Variants in TIAM1 observed in about 807,000 individuals in gnomAD.
The protein encoded by TIAM1 is rho guanine nucleotide exchange factor TIAM1.
TIAM1 carries 65 observed loss-of-function variants against 163.5 expected under a neutral mutation model. The ratio of observed to expected loss-of-function variants is 0.40; its 90% CI spans 0.33 to 0.49. The LOEUF (loss-of-function observed/expected upper bound fraction) is 0.49. Among genes scored for constraint, TIAM1 ranks in the 20% least tolerant of loss-of-function variants. TIAM1 has a pLI of 0.77. For synonymous variants in TIAM1, 833 were observed against 810.1 expected (o/e 1.03, Z -0.48); for missense variants, 1,789 against 2,044.7 (o/e 0.87, Z 2.41).
At chr21:31,392,297 G>A (rs1209961427) in intron 2 of TIAM1, among the ~76,000 whole-genome samples, 6 of 152,174 alleles carry the variant, frequency 3.9e-5, no homozygotes, top group South Asian at 4.1e-4. Flanking sequence ...GAGGCTGGGC[G>A]CGGTGGCTCA....
Position 31,537,179 on chromosome 21 carries a change from T to C in TIAM1, c.-422+21748A>G, listed in dbSNP as rs556536848. On this transcript the variant is annotated intron_variant, in intron 1 of 28. Coordinates refer to the TIAM1 transcript ENST00000286827. ...TATAATCCAGTAGGACCCCTTCTTATCTGATGACAACTGCAAAGACCCTAT... is the reference window on the plus strand; with the variant it reads ...TATAATCCAGTAGGACCCCTTCTTACCTGATGACAACTGCAAAGACCCTAT... Among the ~76,000 whole-genome samples, 4 of 152,326 alleles carry C rather than the reference T, an allele frequency of 2.6e-5. No homozygotes were observed. The East Asian group carries it at 5.8e-4, about 22-fold the overall frequency.
intron 1 of TIAM1, among the ~76,000 whole-genome samples, chr21:31,546,344 G>A (rs2048488641): frequency 6.6e-6 from 1 of 152,074 alleles, no homozygotes; most frequent in Non-Finnish European, 1.5e-5. Flanking sequence ...GAGGTCAGGA[G>A]TTCGAGACCA....
chr21:31,184,663 CGTT>C lies in TIAM1; in HGVS notation c.2663-2021_2663-2019del, dbSNP rs2085196789. 2.0e-5 allele frequency among the ~76,000 whole-genome samples: 3 copies of C among 152,094 alleles called. No individual in the cohort carries two copies. In the South Asian group the frequency reaches 6.2e-4, roughly 32 times the overall value. On this transcript the variant is annotated intron_variant, in intron 14 of 27. Coordinates refer to ENST00000541036, the MANE Select transcript of TIAM1 (RefSeq NM_001353694.2). ...CCCGTGCCACGCAAACCGGCACACT[CGTT>C]GTGATGAAAGAGATAAAAATCAGTC...
chr21:31,498,440 C>T (rs959182617), intron 1 of TIAM1, among the ~76,000 whole-genome samples: 3 of 142,252 alleles, frequency 2.1e-5, no homozygotes, highest in African/African-American at 5.3e-5. Context: ...CAAGGGACCC[C>T]GCAGCACCCC....
chr21:31,301,208 C>G (rs2074485200), intron 2 of TIAM1, among the ~76,000 whole-genome samples: 1 of 152,184 alleles, frequency 6.6e-6, no homozygotes, highest in Non-Finnish European at 1.5e-5. Flanking sequence ...CACGAGTTCT[C>G]CTGGAAGGAT....
intron 2 of TIAM1, among the ~76,000 whole-genome samples, chr21:31,290,420 G>C (rs2073973761): frequency 6.6e-6 from 1 of 151,884 alleles, no homozygotes; most frequent in Non-Finnish European, 1.5e-5. Context: ...GATCACTTGA[G>C]GTCCGGAGTT....
chr21:31,309,093 C>T (rs532879602), intron 2 of TIAM1, among the ~76,000 whole-genome samples: 11 of 152,264 alleles, frequency 7.2e-5, no homozygotes, highest in South Asian at 2.1e-4. Context: ...AAAAAACTGA[C>T]TAAAGATCAA....
chr21:31,334,580 G>A (rs886741578), intron 2 of TIAM1, among the ~76,000 whole-genome samples: 1 of 152,080 alleles, frequency 6.6e-6, no homozygotes, highest in African/African-American at 2.4e-5. Context: ...CCTCACCTGC[G>A]CCTCCAGTAA....
intron 15 of TIAM1, among the ~76,000 whole-genome samples, chr21:31,174,880 T>C (rs1251846398): frequency 6.6e-6 from 1 of 152,118 alleles, no homozygotes; most frequent in Non-Finnish European, 1.5e-5. Context: ...AACTCCTGAC[T>C]TCTGGTGATC....
At position 31,332,894 on chromosome 21, in the gene TIAM1, C is replaced by T. The variant is rs180977864; in HGVS notation, c.-189+6349G>A. On this transcript the variant is annotated intron_variant, in intron 2 of 27. Coordinates refer to ENST00000541036, the MANE Select transcript of TIAM1 (RefSeq NM_001353694.2). Reference sequence around the variant, plus strand: ...CCTCTAAATATTGAGAAAGGTGAAGCAGAAACACTAAGAGTCCACATTGGT... The same window carrying T: ...CCTCTAAATATTGAGAAAGGTGAAGTAGAAACACTAAGAGTCCACATTGGT... Among the ~76,000 whole-genome samples the T allele has an allele frequency of 1.9e-3, 293 of 151,934 alleles. 6 individuals carry two copies. Among genetic ancestry groups the T allele is most frequent in the South Asian group, 1.7e-3 (8 of 4,810 alleles).
chr21:31,202,391 A>C (rs1000123433), intron 12 of TIAM1, among the ~76,000 whole-genome samples: 14 of 151,550 alleles, frequency 9.2e-5, no homozygotes, highest in Admixed American at 2.0e-4. Flanking sequence ...GTCTCTACAA[A>C]AAAAAAAAAA....
At chr21:31,375,053 A>G (rs2076660608) in intron 2 of TIAM1, among the ~76,000 whole-genome samples, 1 of 152,172 alleles carries the variant, frequency 6.6e-6, no homozygotes, top group African/African-American at 2.4e-5. Flanking sequence ...TTAGTTTTTC[A>G]CCTTGTACTA....
At chr21:31,190,833 T>C (rs1362975076) in intron 13 of TIAM1, among the ~76,000 whole-genome samples, 2 of 152,218 alleles carry the variant, frequency 1.3e-5, no homozygotes, top group Non-Finnish European at 2.9e-5. Flanking sequence ...TATTAAATTA[T>C]ATTCTCCTCC....
chr21:31,227,442 TG>T (rs2146641490), intron 6 of TIAM1, among the ~76,000 whole-genome samples: 1 of 152,312 alleles, frequency 6.6e-6, no homozygotes, highest in Non-Finnish European at 1.5e-5. Context: ...CACCTCCCAC[TG>T]GGCAAACCTA....
intron 1 of TIAM1, among the ~76,000 whole-genome samples, chr21:31,554,657 T>G (rs567913564): frequency 6.6e-6 from 1 of 152,294 alleles, no homozygotes; most frequent in East Asian, 1.9e-4. Flanking sequence ...TTGTTTAACA[T>G]CCTCTGAAAG....
At chr21:31,467,423 C>T (rs1466739224) in intron 1 of TIAM1, among the ~76,000 whole-genome samples, 4 of 152,084 alleles carry the variant, frequency 2.6e-5, no homozygotes, top group African/African-American at 7.2e-5. Context: ...ATGAGGAGTT[C>T]GAGACCAGCC....
At position 31,182,607 on chromosome 21, in the gene TIAM1, G is replaced by A. The variant is rs1242576273; in HGVS notation, c.2701C>T (p.Arg901Cys). ...AGDEILEINNRAADALNSSML... is the reference protein window; with the variant it reads ...AGDEILEINNCAADALNSSML... ...GAAGAGTTCAGGGCGTCAGCAGCAC[G>A]ATTATTGATCTCAAGAATCTCATCT... The change falls in exon 15 of 28, where the codon CGT becomes TGT. Residue 901 changes from arginine (R) to cysteine (C), a missense_variant. This residue lies in a region of TIAM1 where 303 missense variants were observed against 321.3 expected (regional missense o/e 0.94). Transcript: ENST00000541036. 8.1e-6 allele frequency: 13 copies of A among 1,613,020 alleles called. No individual in the cohort carries two copies. Among genetic ancestry groups the A allele is most frequent in the African/African-American group, 6.7e-5 (5 of 75,004 alleles).
intron 2 of TIAM1, among the ~76,000 whole-genome samples, chr21:31,337,776 C>G (rs1382002192): frequency 6.6e-6 from 1 of 152,048 alleles, no homozygotes; most frequent in Non-Finnish European, 1.5e-5. Flanking sequence ...GTAATCCGCC[C>G]ACCTCGGCCT....
Position 31,210,075 on chromosome 21 carries a change from A to T in TIAM1, c.2358T>A (p.Thr786=), listed in dbSNP as rs1215668421. The change falls in exon 11 of 28, where the codon ACT becomes ACA. Residue 786 remains threonine, a synonymous_variant. Coordinates refer to ENST00000541036, the MANE Select transcript of TIAM1 (RefSeq NM_001353694.2). ...PALTVVRPGD[T]ARDTLELICK... Reference sequence around the variant, plus strand: ...AAATCAGCTCCAGGGTGTCCCGTGCAGTGTCGCCTGGCCGGACGACCGTCA... The same window carrying T: ...AAATCAGCTCCAGGGTGTCCCGTGCTGTGTCGCCTGGCCGGACGACCGTCA... The T allele has an allele frequency of 1.2e-6, 2 of 1,614,122 alleles. No homozygotes were observed. The highest frequency in any genetic ancestry group is 1.1e-5 in the South Asian group (1 of 91,062).
Sources: allele counts gnomAD v4.1 joint callset (sites outside exome capture counted in the v4.1 genomes callset), GRCh38; gene constraint gnomAD v4.1.1; regional missense constraint gnomAD v4.1.1; transcripts MANE v1.5; gene names NCBI Gene and HGNC (gene_info 2026-07-23, HGNC 2026-07-21).